Variants in PRH1 observed in about 807,000 individuals in gnomAD.
The protein encoded by PRH1 is proline rich protein HaeIII subfamily 1, also known as salivary acidic proline-rich phosphoprotein 1/2.
Under a neutral mutation model 7.9 loss-of-function variants are expected in PRH1, and 7 were observed. The observed-to-expected ratio is 0.89, with a 90% CI of 0.50 to 1.67. PRH1 has a LOEUF of 1.67. Ranked by LOEUF, PRH1 falls within the 40% of genes most tolerant of loss-of-function variation. The pLI is 0.00. For synonymous variants in PRH1, 45 were observed against 80.8 expected (o/e 0.56, Z 2.38); for missense variants, 109 against 223.6 (o/e 0.49, Z 3.27).
At chr12:10,945,681 C>T (rs1055889028) in intron 2 of PRH1, among the ~76,000 whole-genome samples, 1 of 152,144 alleles carries the variant, frequency 6.6e-6, no homozygotes, top group Admixed American at 6.5e-5. Context: ...GGTTTGAGAG[C>T]AGACAACCGG....
chr12:11,098,949 G>A (rs1945146156), intron 1 of PRH1, among the ~76,000 whole-genome samples: 1 of 152,124 alleles, frequency 6.6e-6, no homozygotes, highest in Non-Finnish European at 1.5e-5. Context: ...CCACTCAAGA[G>A]TTTTCAGCCC....
At chr12:10,986,361 T>G (rs1939625422) in intron 1 of PRH1, 1 of 1,613,922 alleles carries the variant, frequency 6.2e-7, no homozygotes, top group South Asian at 1.1e-5. Context: ...ATTCCTCAAT[T>G]TCATCTTCCC....
At chr12:11,068,490 T>TTA (rs1054119795) in intron 1 of PRH1, among the ~76,000 whole-genome samples, 19 of 152,222 alleles carry the variant, frequency 1.2e-4, no homozygotes, top group African/African-American at 4.3e-4. Flanking sequence ...TATTCCATTG[T>TTA]ATAAGTATGC....
intron 1 of PRH1, among the ~76,000 whole-genome samples, chr12:10,998,319 AAAAAATATATTGTT>A (rs1409769466): frequency 2.0e-5 from 3 of 152,180 alleles, no homozygotes; most frequent in Non-Finnish European, 2.9e-5. Context: ...TAGATGACAC[AAAAAATATATTGTT>A]AAAAGAGCCT....
intron 1 of PRH1, among the ~76,000 whole-genome samples, chr12:11,034,619 T>A (rs12372507): frequency 0.44 from 63,824 of 145,754 alleles, 14,814 homozygotes; most frequent in Non-Finnish European, 0.51. Flanking sequence ...ATATTTTCAA[T>A]AAGACCCTTT....
At position 11,113,520 on chromosome 12, in the gene PRH1, A is replaced by G. The variant is rs140190631; in HGVS notation, n.123+57902T>C. On this transcript the variant is annotated intron_variant and non_coding_transcript_variant, in intron 1 of 4. Transcript: ENST00000541977. ...GCAAACTGGCTAGCCTTAGGCAGAA[A>G]ACTGAAACTGGACCCCTTCCTTACA... 3.5e-3 allele frequency among the ~76,000 whole-genome samples: 528 copies of G among 152,314 alleles called. 4 individuals are homozygous for G. Among genetic ancestry groups the G allele is most frequent in the African/African-American group, 0.012 (496 of 41,564 alleles).
At chr12:10,980,147 A>G (rs1054626219) in intron 1 of PRH1, among the ~76,000 whole-genome samples, 1 of 152,198 alleles carries the variant, frequency 6.6e-6, no homozygotes, top group South Asian at 2.1e-4. Context: ...AAGAAAAAAC[A>G]TAAATTTAGA....
chr12:11,115,735 CAA>C (rs1354802193), intron 1 of PRH1, among the ~76,000 whole-genome samples: 4 of 151,876 alleles, frequency 2.6e-5, no homozygotes, highest in African/African-American at 7.2e-5. Flanking sequence ...AACTCAATAA[CAA>C]GAGGAATTTT....
chr12:11,119,417 A>G (rs1945828615), downstream of PRH1, among the ~76,000 whole-genome samples: 1 of 152,156 alleles, frequency 6.6e-6, no homozygotes, highest in Non-Finnish European at 1.5e-5. Flanking sequence ...AACGTAACTA[A>G]AAGAGTATAA....
chr12:11,120,444 G>A (rs1020765103), downstream of PRH1, among the ~76,000 whole-genome samples: 6 of 151,990 alleles, frequency 3.9e-5, no homozygotes, highest in Admixed American at 2.0e-4. Context: ...GATCTCCTGC[G>A]GCTCATGTTA....
chr12:11,171,413 G>T, intron 1 of PRH1: 1 of 1,232,040 alleles, frequency 8.1e-7, no homozygotes, highest in Non-Finnish European at 1.0e-6. Context: ...GCCCCGCCGC[G>T]ACACCCACCT....
chr12:11,134,752 T>A (rs1326826951), intron 1 of PRH1: 1 of 154,020 alleles, frequency 6.5e-6, no homozygotes, highest in East Asian at 1.9e-4. Context: ...ATACGGACTT[T>A]TTTAAATGCC....
intron 1 of PRH1, chr12:11,021,978 T>TAA: frequency 6.2e-7 from 1 of 1,603,260 alleles, no homozygotes; most frequent in Non-Finnish European, 8.5e-7. Context: ...GAGAACAGAT[T>TAA]AACAGCAGAA....
intron 1 of PRH1, among the ~76,000 whole-genome samples, chr12:11,035,376 G>C (rs1296549483): frequency 2.0e-5 from 3 of 152,070 alleles, no homozygotes; most frequent in African/African-American, 7.2e-5. Flanking sequence ...ATTCTGGGTA[G>C]TTATCTTCAA....
At chr12:11,099,821 A>G (rs1370045512) in intron 1 of PRH1, among the ~76,000 whole-genome samples, 1 of 152,222 alleles carries the variant, frequency 6.6e-6, no homozygotes, top group Non-Finnish European at 1.5e-5. Flanking sequence ...TGCTAAACCA[A>G]GAGTGTGGGA....
intron 2 of PRH1, among the ~76,000 whole-genome samples, chr12:10,951,360 T>C (rs996990622): frequency 1.3e-5 from 2 of 152,210 alleles, no homozygotes; most frequent in African/African-American, 4.8e-5. Flanking sequence ...AGCTTGATCA[T>C]AACTTGTATC....
intron 1 of PRH1, among the ~76,000 whole-genome samples, chr12:10,981,087 C>A (rs1231712595): frequency 6.6e-6 from 1 of 152,182 alleles, no homozygotes; most frequent in Non-Finnish European, 1.5e-5. Context: ...GTTCTCAGGG[C>A]TGAGCCAATT....
intron 1 of PRH1, among the ~76,000 whole-genome samples, chr12:11,046,551 C>T (rs920063731): frequency 1.3e-5 from 2 of 152,108 alleles, no homozygotes; most frequent in Non-Finnish European, 2.9e-5. Flanking sequence ...CTGGTGCACA[C>T]TAGGGCCAGC....
chr12:11,135,030 A>G (rs1273911867), intron 1 of PRH1, among the ~76,000 whole-genome samples: 4 of 152,124 alleles, frequency 2.6e-5, no homozygotes, highest in Non-Finnish European at 4.4e-5. Context: ...TTTCCCACTC[A>G]AGGTTTTCAG....
Sources: allele counts gnomAD v4.1 joint callset (sites outside exome capture counted in the v4.1 genomes callset), GRCh38; gene constraint gnomAD v4.1.1; transcripts MANE v1.5; gene names NCBI Gene and HGNC (gene_info 2026-07-23, HGNC 2026-07-21).